Variants in BCAS4 observed in about 807,000 individuals in gnomAD.
BCAS4 encodes the protein breast carcinoma amplified sequence 4.
BCAS4 carries 9 observed loss-of-function variants against 15.7 expected under a neutral mutation model. That is an observed-to-expected ratio of 0.57 (90% CI 0.34 to 1.00). BCAS4 has a LOEUF of 1.00. BCAS4 is among the 50% of genes least tolerant of loss of function. The pLI, the probability that BCAS4 is intolerant of heterozygous loss-of-function variation, is 0.02. For missense variants in BCAS4, 225 were observed against 239.1 expected, an observed-to-expected ratio of 0.94 and a Z score of 0.39; for synonymous variants, 101 against 99.5, an observed-to-expected ratio of 1.02 and a Z score of -0.09.
intron 3 of BCAS4, among the ~76,000 whole-genome samples, chr20:50,831,322 A>G (rs2088340900): frequency 1.3e-5 from 2 of 152,084 alleles, no homozygotes; most frequent in African/African-American, 2.4e-5. Flanking sequence ...CTGAGGCACA[A>G]GAATCACTTG....
intron 1 of BCAS4, among the ~76,000 whole-genome samples, chr20:50,805,575 T>C (rs1243155965): frequency 2.0e-5 from 3 of 152,086 alleles, no homozygotes; most frequent in African/African-American, 7.2e-5. Flanking sequence ...TTTGCTACAG[T>C]CTCCACCCCT....
intron 1 of BCAS4, among the ~76,000 whole-genome samples, chr20:50,797,790 C>G (rs974951644): frequency 6.6e-6 from 1 of 151,964 alleles, no homozygotes; most frequent in Non-Finnish European, 1.5e-5. Flanking sequence ...CTCAGCCTCC[C>G]GAGTAGCTGG....
intron 2 of BCAS4, among the ~76,000 whole-genome samples, chr20:50,819,986 G>T (rs1462456120): frequency 6.6e-6 from 1 of 152,102 alleles, no homozygotes; most frequent in Non-Finnish European, 1.5e-5. Flanking sequence ...GAGTAGCTGG[G>T]ATTACAAGCA....
rs563282570 is a variant in BCAS4, at chr20:50,798,138, A to T, written c.90+2965A>T. Among the ~76,000 whole-genome samples, 6 of 151,808 alleles carry T rather than the reference A, an allele frequency of 4.0e-5. No individual in the cohort carries two copies. In the East Asian group the frequency reaches 7.9e-4, roughly 20 times the overall value. On this transcript the variant is annotated intron_variant, in intron 1 of 4. Transcript: ENST00000371608. The stretch of plus-strand genomic sequence containing the variant: ...TGGTGGAACCCTGTCTCTACTAAAC[A>T]TACAAAAATTAGCCAGATGTGGTGG...
intron 2 of BCAS4, among the ~76,000 whole-genome samples, chr20:50,828,398 C>T (rs1199109209): frequency 2.0e-5 from 3 of 151,976 alleles, no homozygotes; most frequent in African/African-American, 7.3e-5. Context: ...GTGGTGGGAG[C>T]AGATTTTCAC....
chr20:50,860,851 C>T (rs868021756), intron 4 of BCAS4, among the ~76,000 whole-genome samples: 42 of 151,960 alleles, frequency 2.8e-4, no homozygotes, highest in Middle Eastern at 6.8e-3. Flanking sequence ...TTGAGCCTGG[C>T]GACATAGCGA....
chr20:50,796,978 G>T lies in BCAS4; in HGVS notation c.90+1805G>T, dbSNP rs183297410. On this transcript the variant is annotated intron_variant, in intron 1 of 4. Transcript: ENST00000371608. The stretch of plus-strand genomic sequence containing the variant: ...CCCGCATAGCCAGGACCACAGGTGC[G>T]CACCACCATGTCAGGTTAACTTTTA... 4.0e-3 allele frequency among the ~76,000 whole-genome samples: 606 copies of T among 152,050 alleles called. 5 individuals are homozygous for T. Among genetic ancestry groups the T allele is most frequent in the African/African-American group, 0.014 (581 of 41,470 alleles).
intron 4 of BCAS4, chr20:50,846,607 C>CTTTTTTT (rs144685124): frequency 2.9e-5 from 2 of 69,784 alleles, no homozygotes; most frequent in Admixed American, 2.0e-4. Flanking sequence ...GTCTCTCTCT[C>CTTTTTTT]TTTTTTTTTT....
At chr20:50,815,222 C>T (rs1487764852) in intron 1 of BCAS4, among the ~76,000 whole-genome samples, 2 of 152,152 alleles carry the variant, frequency 1.3e-5, no homozygotes, top group Non-Finnish European at 2.9e-5. Context: ...CCTTCCTGAG[C>T]AGGCCAGGAT....
At chr20:50,852,234 C>T (rs1357390867) in intron 4 of BCAS4, among the ~76,000 whole-genome samples, 1 of 152,198 alleles carries the variant, frequency 6.6e-6, no homozygotes, top group Non-Finnish European at 1.5e-5. Context: ...TTCAAACACT[C>T]ACTGAGACCA....
At chr20:50,796,588 A>G (rs2087867763) in intron 1 of BCAS4, among the ~76,000 whole-genome samples, 1 of 125,936 alleles carries the variant, frequency 7.9e-6, no homozygotes, top group Non-Finnish European at 1.6e-5. Context: ...TCCGCCTCCC[A>G]GGTTCAAGGA....
At chr20:50,816,660 C>T (rs71351211) in intron 1 of BCAS4, among the ~76,000 whole-genome samples, 1 of 152,058 alleles carries the variant, frequency 6.6e-6, no homozygotes, top group Non-Finnish European at 1.5e-5. Flanking sequence ...GGTTTTATTT[C>T]TTCTTCTTTT....
intron 1 of BCAS4, among the ~76,000 whole-genome samples, chr20:50,814,379 G>A (rs1347221887): frequency 6.6e-6 from 1 of 152,168 alleles, no homozygotes; most frequent in Non-Finnish European, 1.5e-5. Flanking sequence ...TCAACCTCCT[G>A]GGCCCAAGTG....
At chr20:50,831,598 C>T (rs754768852) in intron 3 of BCAS4, among the ~76,000 whole-genome samples, 6 of 152,150 alleles carry the variant, frequency 3.9e-5, no homozygotes, top group Admixed American at 3.9e-4. Flanking sequence ...AGTCAGTCCC[C>T]TCACTGCCCC....
chr20:50,842,344 G>C (rs1337655866), intron 4 of BCAS4, among the ~76,000 whole-genome samples: 1 of 152,170 alleles, frequency 6.6e-6, no homozygotes, highest in Non-Finnish European at 1.5e-5. Context: ...TGCAAAGGCT[G>C]TTCTCTTCCT....
At chr20:50,829,839 T>A (rs6512674) in intron 2 of BCAS4, among the ~76,000 whole-genome samples, 47,859 of 151,836 alleles carry the variant, frequency 0.32, 8,798 homozygotes, top group African/African-American at 0.52. Context: ...ATCTGATACA[T>A]AAGAGTTGTG....
intron 1 of BCAS4, among the ~76,000 whole-genome samples, chr20:50,813,674 C>CTTTTTTTTTT (rs965295871): frequency 1.2e-5 from 1 of 82,390 alleles, no homozygotes; most frequent in African/African-American, 5.7e-5. Flanking sequence ...GGTGGAGGAC[C>CTTTTTTTTTT]TTTTTTTTTT....
At chr20:50,807,371 T>G (rs993110262) in intron 1 of BCAS4, among the ~76,000 whole-genome samples, 4 of 151,534 alleles carry the variant, frequency 2.6e-5, no homozygotes, top group Admixed American at 2.6e-4. Context: ...TTTTGTACTT[T>G]TTTGTAGAGA....
upstream of BCAS4, chr20:50,794,957 C>A: frequency 1.7e-6 from 2 of 1,200,096 alleles, no homozygotes; most frequent in Non-Finnish European, 2.1e-6. Context: ...CCGCCGGGAG[C>A]GCACCTGCCC....
Sources: allele counts gnomAD v4.1 joint callset (sites outside exome capture counted in the v4.1 genomes callset), GRCh38; gene constraint gnomAD v4.1.1; transcripts MANE v1.5; gene names NCBI Gene and HGNC (gene_info 2026-07-23, HGNC 2026-07-21).